Variants in LARGE1 observed in about 807,000 individuals in gnomAD.
LARGE1 encodes LARGE xylosyl- and glucuronyltransferase 1.
A neutral mutation model predicts 87.6 loss-of-function variants in LARGE1; 43 were observed. The observed-to-expected ratio is 0.49, with a 90% confidence interval of 0.38 to 0.63. LARGE1 has a LOEUF of 0.63. Among genes scored for constraint, LARGE1 ranks in the 30% least tolerant of loss-of-function variants. LARGE1 has a pLI of 0.00. For missense variants in LARGE1, 802 were observed against 1,000.2 expected (o/e 0.80, Z 2.67); for synonymous variants, 434 against 394.6 (o/e 1.10, Z -1.18).
intron 6 of LARGE1, among the ~76,000 whole-genome samples, chr22:33,484,020 G>C (rs545093521): frequency 1.3e-5 from 2 of 152,172 alleles, no homozygotes; most frequent in Non-Finnish European, 2.9e-5. Flanking sequence ...ACAGTGAAAA[G>C]CCGCGACACG....
chr22:33,892,362 T>A (rs777447010), intron 1 of LARGE1, among the ~76,000 whole-genome samples: 3 of 152,140 alleles, frequency 2.0e-5, no homozygotes, highest in Non-Finnish European at 4.4e-5. Flanking sequence ...ACACTCTTTG[T>A]GGCAAAGGCA....
intron 11 of LARGE1, among the ~76,000 whole-genome samples, chr22:33,308,589 C>T (rs1467709835): frequency 2.0e-5 from 3 of 152,098 alleles, no homozygotes; most frequent in Non-Finnish European, 2.9e-5. Context: ...TTGGTCCATG[C>T]GATATTAGCA....
intron 11 of LARGE1, among the ~76,000 whole-genome samples, chr22:33,209,685 T>C (rs1221273604): frequency 6.6e-6 from 1 of 152,192 alleles, no homozygotes; most frequent in East Asian, 1.9e-4. Flanking sequence ...TCACTCTGTC[T>C]CTCAGGCTGG....
chr22:33,731,281 G>A (rs1285342293), intron 2 of LARGE1, among the ~76,000 whole-genome samples: 2 of 152,138 alleles, frequency 1.3e-5, no homozygotes, highest in East Asian at 3.9e-4. Flanking sequence ...CGGATTACAG[G>A]CATGAGCCAC....
At chr22:33,416,338 T>TCAACA (rs2066482452) in intron 7 of LARGE1, among the ~76,000 whole-genome samples, 1 of 152,142 alleles carries the variant, frequency 6.6e-6, no homozygotes, top group Non-Finnish European at 1.5e-5. Context: ...GCTGCTCTGT[T>TCAACA]GAACAGCAAG....
chr22:33,667,434 C>G (rs186767106), intron 2 of LARGE1, among the ~76,000 whole-genome samples: 1 of 152,230 alleles, frequency 6.6e-6, no homozygotes, highest in Non-Finnish European at 1.5e-5. Flanking sequence ...AAAGCCATTA[C>G]TCCCAGGAGA....
At chr22:33,085,090 A>C in the LARGE1 span, among the ~76,000 whole-genome samples, 6 of 152,242 alleles carry the variant, frequency 3.9e-5, no homozygotes, top group Non-Finnish European at 5.9e-5. Context: ...TGCCTTGCCA[A>C]CATGGCAAAA....
intron 9 of LARGE1, among the ~76,000 whole-genome samples, chr22:33,365,253 C>A (rs1445881683): frequency 6.6e-6 from 1 of 152,028 alleles, no homozygotes; most frequent in African/African-American, 2.4e-5. Flanking sequence ...ACATCCAAGA[C>A]CCAGATTGTA....
At chr22:33,195,749 C>CTTTTTT (rs201916623) in intron 11 of LARGE1, among the ~76,000 whole-genome samples, 1 of 89,696 alleles carries the variant, frequency 1.1e-5, no homozygotes, top group African/African-American at 4.9e-5. Flanking sequence ...TTTCTTTTTT[C>CTTTTTT]TTTTTTCTTT....
rs776377968 is a variant in LARGE1 at position 33,316,240 on chromosome 22, C to T, written c.1296G>A (p.Lys432=). 2 of 1,613,582 alleles carry T rather than the reference C, an allele frequency of 1.2e-6. No homozygotes were observed. The highest frequency in any genetic ancestry group is 1.1e-5 in the South Asian group (1 of 91,058). Residue 432 remains lysine, a synonymous_variant, in exon 11 of 15, where the codon AAG becomes AAA. Transcript: ENST00000397394. ...CGTCCTCGTCCAGCTCAGACAGCTG[C>T]TTCTGGAGCTGCAGGGTAGGAGAGA... ...EADVNSENLQ[K]QLSELDEDDL...
chr22:33,595,076 A>G (rs1280157661), intron 5 of LARGE1, among the ~76,000 whole-genome samples: 1 of 152,164 alleles, frequency 6.6e-6, no homozygotes, highest in African/African-American at 2.4e-5. Context: ...AATAAAACAT[A>G]ATAAAACACA....
chr22:33,693,042 T>A (rs2082140153), intron 2 of LARGE1, among the ~76,000 whole-genome samples: 1 of 152,168 alleles, frequency 6.6e-6, no homozygotes, highest in Non-Finnish European at 1.5e-5. Flanking sequence ...GTGGTGCATA[T>A]ACACCATGGA....
At chr22:33,316,661 C>T (rs927297983) in intron 10 of LARGE1, among the ~76,000 whole-genome samples, 3 of 152,016 alleles carry the variant, frequency 2.0e-5, no homozygotes, top group South Asian at 2.1e-4. Flanking sequence ...CACCTGAGCC[C>T]GGGACATGGA....
intron 7 of LARGE1, among the ~76,000 whole-genome samples, chr22:33,389,186 C>T (rs771622300): frequency 6.6e-6 from 1 of 152,250 alleles, no homozygotes; most frequent in East Asian, 1.9e-4. Flanking sequence ...CATGGCCAGA[C>T]AGTTTCAATA....
At chr22:33,750,772 A>T (rs1416527138) in intron 2 of LARGE1, 1 of 152,144 alleles carries the variant, frequency 6.6e-6, no homozygotes, top group East Asian at 1.9e-4. Context: ...TGATGAAAAC[A>T]CTCATACAGA....
At chr22:33,466,725 C>CACACACACACACACA (rs1290873508) in intron 6 of LARGE1, among the ~76,000 whole-genome samples, 2 of 151,618 alleles carry the variant, frequency 1.3e-5, no homozygotes, top group African/African-American at 4.9e-5. Flanking sequence ...TACACACACA[C>CACACACACACACACA]ACTACACACA....
chr22:33,773,288 C>G (rs1159465481), intron 1 of LARGE1, among the ~76,000 whole-genome samples: 1 of 152,196 alleles, frequency 6.6e-6, no homozygotes, highest in Non-Finnish European at 1.5e-5. Flanking sequence ...CATGTGAACT[C>G]TAATTTAAAA....
At chr22:33,752,823 T>G (rs2084371433) in intron 2 of LARGE1, among the ~76,000 whole-genome samples, 1 of 152,218 alleles carries the variant, frequency 6.6e-6, no homozygotes, top group African/African-American at 2.4e-5. Context: ...CCATGGCCAA[T>G]GAATATGTCA....
the LARGE1 span, among the ~76,000 whole-genome samples, chr22:33,103,855 T>C: frequency 6.6e-6 from 1 of 152,194 alleles, no homozygotes; most frequent in South Asian, 2.1e-4. Flanking sequence ...ACTGTTCTCG[T>C]GGTAGTGAAT....
Sources: allele counts gnomAD v4.1 joint callset (sites outside exome capture counted in the v4.1 genomes callset), GRCh38; gene constraint gnomAD v4.1.1; transcripts MANE v1.5; gene names NCBI Gene and HGNC (gene_info 2026-07-23, HGNC 2026-07-21).